Variants in PRKAR1B observed in about 807,000 individuals in gnomAD.
PRKAR1B encodes the protein protein kinase cAMP-dependent type I regulatory subunit beta.
In PRKAR1B, 22 loss-of-function variants were observed where a neutral mutation model predicts 46.5. That is an observed-to-expected ratio of 0.47 (90% confidence interval 0.34 to 0.68). The LOEUF (loss-of-function observed/expected upper bound fraction) is 0.68, where lower values mean the gene tolerates loss of function less well. Ranked by LOEUF, PRKAR1B falls within the 30% of genes least tolerant of loss-of-function variation. The pLI, the probability that PRKAR1B is intolerant of heterozygous loss-of-function variation, is 0.01. For synonymous variants in PRKAR1B, 259 were observed against 217.7 expected (o/e 1.19, Z -1.67); for missense variants, 445 against 535.6 (o/e 0.83, Z 1.67).
At chr7:725,128 G>T (rs1781208339) in intron 1 of PRKAR1B, among the ~76,000 whole-genome samples, 1 of 151,772 alleles carries the variant, frequency 6.6e-6, no homozygotes, top group African/African-American at 2.4e-5. Flanking sequence ...GCAGGAGAAT[G>T]GCATGAACCT....
chr7:726,568 G>A lies in PRKAR1B; in HGVS notation c.-23+642C>T, dbSNP rs977474146. 9 of 512,890 alleles carry A rather than the reference G, an allele frequency of 1.8e-5. No homozygotes were observed. The African/African-American group carries it at 1.8e-4, about 10-fold the overall frequency. The allele number at this position is 512,890 out of a possible 1,614,324, so 31.8% of individuals were successfully genotyped here. On this transcript the variant is annotated intron_variant, in intron 1 of 10. Transcript: ENST00000537384. ...GTTCCGGCGACAGAGGGGGACAGCG[G>A]GCGAGCACGACAAGAGCACAGGCCC...
intron 2 of PRKAR1B, among the ~76,000 whole-genome samples, chr7:700,175 G>A (rs1293384704): frequency 2.0e-5 from 3 of 152,122 alleles, no homozygotes; most frequent in Non-Finnish European, 1.5e-5. Context: ...CACAGAAAAG[G>A]TGCTGAGGAC....
chr7:632,986 G>A lies in PRKAR1B; in HGVS notation c.441-25534C>T, dbSNP rs190194410. Reference sequence around the variant, plus strand: ...GCCTCCACTTTCTCCTCTAAATCACGGGCAGAGGGAAGCCAGGCGCGCGGG... The same window carrying A: ...GCCTCCACTTTCTCCTCTAAATCACAGGCAGAGGGAAGCCAGGCGCGCGGG... On this transcript the variant is annotated intron_variant, in intron 4 of 10. Coordinates refer to ENST00000537384, the MANE Select transcript of PRKAR1B (RefSeq NM_001164760.2). Among the ~76,000 whole-genome samples the A allele has an allele frequency of 4.7e-3, 721 of 152,344 alleles. 3 individuals carry two copies. The highest frequency in any genetic ancestry group is 0.024 in the South Asian group (116 of 4,826).
chr7:557,493 C>T (rs565923402), intron 9 of PRKAR1B, among the ~76,000 whole-genome samples: 2 of 152,366 alleles, frequency 1.3e-5, no homozygotes, highest in East Asian at 1.9e-4. Context: ...CCTGTGCCTG[C>T]GCACCCATGG....
rs915481484 is a variant in PRKAR1B, at chr7:667,688, C to T, written c.440+9541G>A. On this transcript the variant is annotated intron_variant, in intron 4 of 10. Transcript: ENST00000537384. The surrounding 1 kb of genome is among the most constrained non-coding windows in gnomAD (Gnocchi z 4.3). Reference sequence around the variant, plus strand: ...ATGTGTCCTTACAGGGGAGGGAGCACAGGCTTAGGTGCCCAAGAACTCGAG... The same window carrying T: ...ATGTGTCCTTACAGGGGAGGGAGCATAGGCTTAGGTGCCCAAGAACTCGAG... 2.0e-5 allele frequency among the ~76,000 whole-genome samples: 3 copies of T among 152,202 alleles called. No individual in the cohort carries two copies. The highest frequency in any genetic ancestry group is 7.2e-5 in the African/African-American group (3 of 41,448).
intron 4 of PRKAR1B, among the ~76,000 whole-genome samples, chr7:656,594 G>GAATGAGT: frequency 2.7e-5 from 3 of 110,204 alleles, no homozygotes; most frequent in African/African-American, 1.0e-4. Flanking sequence ...ATGGATAAAT[G>GAATGAGT]GAACAAAGGA....
Position 602,447 on chromosome 7 carries a change from G to A in PRKAR1B, c.549+3746C>T, listed in dbSNP as rs1228623517. 3 of 168,536 alleles carry A rather than the reference G, an allele frequency of 1.8e-5. No individual in the cohort carries two copies. The highest frequency in any genetic ancestry group is 2.9e-5 in the Non-Finnish European group (2 of 68,312). 10.4% of individuals were successfully genotyped at this position (168,536 alleles called of 1,614,324 possible). A position where few individuals can be genotyped will look rare whatever the true frequency, so the allele number is the denominator to read the frequency against. ...AGCAACACCTCCCGGCCCCTTTGCC[G>A]AGGTCCTGGCCCAGGTGGGGCTCCC... On this transcript the variant is annotated intron_variant, in intron 6 of 10. Coordinates refer to ENST00000537384, the MANE Select transcript of PRKAR1B (RefSeq NM_001164760.2). The surrounding 1 kb of genome is among the most constrained non-coding windows in gnomAD (Gnocchi z 6.4).
At chr7:571,515 C>T (rs931441316) in intron 9 of PRKAR1B, among the ~76,000 whole-genome samples, 4 of 152,202 alleles carry the variant, frequency 2.6e-5, no homozygotes, top group Admixed American at 6.5e-5. Flanking sequence ...GTTGTTTCAA[C>T]GTTGTGGACA....
At chr7:583,582 G>GTGCACATACC (rs1780399204) in intron 8 of PRKAR1B, among the ~76,000 whole-genome samples, 1 of 59,412 alleles carries the variant, frequency 1.7e-5, no homozygotes, top group Admixed American at 1.4e-4. Context: ...ACACACACTT[G>GTGCACATACC]CACACTCCCA....
intron 2 of PRKAR1B, among the ~76,000 whole-genome samples, chr7:684,986 C>T (rs974513296): frequency 1.3e-5 from 2 of 151,574 alleles, no homozygotes; most frequent in Admixed American, 1.3e-4. Context: ...TAAAACATAA[C>T]CACAATCCCC....
intron 7 of PRKAR1B, among the ~76,000 whole-genome samples, chr7:594,546 C>T (rs1781158670): frequency 6.6e-6 from 1 of 152,158 alleles, no homozygotes; most frequent in Admixed American, 6.5e-5. Context: ...CCACCCAAAC[C>T]ACAGGCGCTG....
At chr7:580,711 T>C (rs1192831576) in intron 8 of PRKAR1B, among the ~76,000 whole-genome samples, 1 of 98,788 alleles carries the variant, frequency 1.0e-5, no homozygotes, top group African/African-American at 3.7e-5. Flanking sequence ...TATAAGAAAA[T>C]AATGATCACC....
chr7:680,806 C>A, intron 2 of PRKAR1B, 80 bp from the exon 3 acceptor site: 1 of 1,531,366 alleles, frequency 6.5e-7, no homozygotes. Flanking sequence ...CCTGTGATCC[C>A]AGCACTGTGG....
chr7:577,114 C>T (rs992641670), intron 9 of PRKAR1B, among the ~76,000 whole-genome samples: 5 of 152,116 alleles, frequency 3.3e-5, no homozygotes, highest in South Asian at 2.1e-4. Context: ...CCTCGTCCAA[C>T]GCCATCAGCG....
chr7:660,062 C>T (rs538671140), intron 4 of PRKAR1B, among the ~76,000 whole-genome samples: 3 of 152,114 alleles, frequency 2.0e-5, no homozygotes, highest in East Asian at 1.9e-4. Context: ...AGAGAGGTGC[C>T]GCCGCCTTGG....
At chr7:724,148 G>C (rs574664302) in intron 1 of PRKAR1B, among the ~76,000 whole-genome samples, 1 of 152,208 alleles carries the variant, frequency 6.6e-6, no homozygotes, top group South Asian at 2.1e-4. Flanking sequence ...CATTCAGCCC[G>C]TAACACTCCC....
intron 2 of PRKAR1B, among the ~76,000 whole-genome samples, chr7:708,097 G>A (rs960226591): frequency 5.8e-5 from 8 of 137,520 alleles, no homozygotes; most frequent in Non-Finnish European, 9.3e-5. Flanking sequence ...CCTCAATCTC[G>A]GACTTCCAGC....
rs146835466 is a variant in PRKAR1B, at chr7:606,115, G to C, written c.549+78C>G. 2.8e-6 allele frequency: 4 copies of C among 1,440,760 alleles called. No individual in the cohort carries two copies. In the African/African-American group the frequency reaches 5.6e-5, roughly 20 times the overall value. The allele number at this position is 1,440,760 out of a possible 1,614,324, so 89.2% of individuals were successfully genotyped here. The stretch of plus-strand genomic sequence containing the variant: ...CAGCGCAGTGTTTGTTGGGGGCCTG[G>C]TGCTGCCTGGAGGGCAAGTCTTCAC... On this transcript the variant is annotated intron_variant, in intron 6 of 10. Transcript: ENST00000537384.
intron 4 of PRKAR1B, among the ~76,000 whole-genome samples, chr7:660,649 T>C (rs1785473760): frequency 3.1e-5 from 3 of 95,928 alleles, no homozygotes; most frequent in African/African-American, 1.3e-4. Context: ...CCCCAACAGA[T>C]CCAAATACCT....
Sources: allele counts gnomAD v4.1 joint callset (sites outside exome capture counted in the v4.1 genomes callset), GRCh38; gene constraint gnomAD v4.1.1; non-coding constraint Gnocchi (gnomAD v3.1); transcripts MANE v1.5; gene names NCBI Gene and HGNC (gene_info 2026-07-23, HGNC 2026-07-21).